The following OCA2 variants were observed in gnomAD, a reference collection of about 807,000 sequenced individuals.
OCA2 encodes OCA2 melanosomal transmembrane protein.
A neutral mutation model predicts 100.2 loss-of-function variants in OCA2; 77 were observed. The observed-to-expected ratio is 0.77, with a 90% confidence interval of 0.64 to 0.93. The LOEUF (loss-of-function observed/expected upper bound fraction) is 0.93. Among genes scored for constraint, OCA2 ranks in the 40% least tolerant of loss-of-function variants. The pLI is 0.00. For synonymous variants in OCA2, 432 were observed against 439.2 expected (o/e 0.98, Z 0.21); for missense variants, 1,062 against 1,089.1 (o/e 0.98, Z 0.35).
chr15:27,992,137 G>A (rs868262169), intron 9 of OCA2, among the ~76,000 whole-genome samples: 3 of 150,076 alleles, frequency 2.0e-5, no homozygotes, highest in African/African-American at 4.9e-5. Context: ...GTCTCACTCC[G>A]TTGCCGAGGC....
chr15:27,928,252 A>G (rs1202239858), intron 18 of OCA2, among the ~76,000 whole-genome samples: 2 of 152,222 alleles, frequency 1.3e-5, no homozygotes, highest in African/African-American at 4.8e-5. Flanking sequence ...AATCAATGAA[A>G]TAGAAAATGG....
chr15:28,053,264 G>A (rs1482764559), intron 2 of OCA2, among the ~76,000 whole-genome samples: 1 of 152,160 alleles, frequency 6.6e-6, no homozygotes, highest in Non-Finnish European at 1.5e-5. Context: ...ACCCACATGG[G>A]TGGGCCATGG....
At chr15:27,916,796 G>C (rs976698130) in intron 19 of OCA2, among the ~76,000 whole-genome samples, 4 of 152,132 alleles carry the variant, frequency 2.6e-5, no homozygotes, top group Admixed American at 2.0e-4. Flanking sequence ...CCAAAAAATA[G>C]AACACACCTG....
chr15:27,877,383 ATT>A (rs142582506), intron 19 of OCA2, among the ~76,000 whole-genome samples: 1 of 150,908 alleles, frequency 6.6e-6, no homozygotes, highest in Non-Finnish European at 1.5e-5. Flanking sequence ...GGCTTTCCTG[ATT>A]TTTTTTTGTC....
At chr15:27,926,462 C>T (rs1157674262) in intron 18 of OCA2, among the ~76,000 whole-genome samples, 3 of 151,874 alleles carry the variant, frequency 2.0e-5, no homozygotes, top group African/African-American at 7.3e-5. Context: ...CCCATTGACC[C>T]ACAAGTTTAT....
At chr15:27,878,893 G>A (rs2036897486) in intron 19 of OCA2, among the ~76,000 whole-genome samples, 1 of 152,050 alleles carries the variant, frequency 6.6e-6, no homozygotes, top group Non-Finnish European at 1.5e-5. Flanking sequence ...TGTGCAGGAA[G>A]TATAGGTTTA....
At chr15:28,084,990 G>A (rs1243449126) in intron 1 of OCA2, among the ~76,000 whole-genome samples, 2 of 152,160 alleles carry the variant, frequency 1.3e-5, no homozygotes, top group Non-Finnish European at 2.9e-5. Context: ...GGTCCTGCCT[G>A]CCTACACTCA....
In OCA2 at chr15:27,964,876, G is replaced by A. The variant is rs114153990; in HGVS notation, c.1636+1814C>T. On this transcript the variant is annotated intron_variant, in intron 15 of 23. Transcript: ENST00000354638. ...GGCCATAGGGTTCCTGCATCACCAG[G>A]TGTGTCCACTTCCAACCATCACTCC... is the stretch of plus-strand genomic sequence containing the variant. Among the ~76,000 whole-genome samples the A allele has an allele frequency of 7.2e-3, 1,103 of 152,240 alleles. 21 individuals are homozygous for A. The highest frequency in any genetic ancestry group is 0.025 in the African/African-American group (1,020 of 41,522).
chr15:27,739,467 A>G, the OCA2 span, among the ~76,000 whole-genome samples: 1 of 125,440 alleles, frequency 8.0e-6, no homozygotes, highest in Non-Finnish European at 1.6e-5. Flanking sequence ...TTTTTTTGAG[A>G]CAGAGTCTCA....
chr15:28,033,149 G>A (rs566548008), intron 2 of OCA2, among the ~76,000 whole-genome samples: 12 of 152,252 alleles, frequency 7.9e-5, no homozygotes, highest in South Asian at 2.1e-4. Context: ...AACCACAACC[G>A]GCATGTATGG....
At chr15:27,798,126 TAGTC>T (rs761075983) in intron 23 of OCA2, among the ~76,000 whole-genome samples, 5 of 152,184 alleles carry the variant, frequency 3.3e-5, no homozygotes, top group Non-Finnish European at 7.3e-5. Context: ...AATTATTTAT[TAGTC>T]AGGTTAAGAA....
rs544730838 is a variant in OCA2, at chr15:28,042,880, C to T, written c.228-10717G>A. The stretch of plus-strand genomic sequence containing the variant: ...TCTGCCAACATAATAAAATTTTATT[C>T]GTTTATACTCCACCAATCCTAGCAG... On this transcript the variant is annotated intron_variant, in intron 2 of 23. Transcript: ENST00000354638. 6.6e-5 allele frequency among the ~76,000 whole-genome samples: 10 copies of T among 152,052 alleles called. 1 individual carries two copies. The highest frequency in any genetic ancestry group is 2.4e-4 in the African/African-American group (10 of 41,500).
At position 28,014,840 on chromosome 15, in the gene OCA2, A is replaced by G. The variant is rs780219028; in HGVS notation, c.980T>C (p.Val327Ala). The stretch of plus-strand genomic sequence containing the variant: ...CGTCGCGATGGTCACCTGGGTTTCT[A>G]CACTTCCGCGGAGGTACTGATGAGC... Reference protein sequence around the residue: ...LMAHQYLRGSVETQVTIATAI... With the variant: ...LMAHQYLRGSAETQVTIATAI... Residue 327 changes from valine (V) to alanine (A), a missense_variant, in exon 9 of 24, where the codon GTA becomes GCA. Physicochemically the swap from Val to Ala is moderately conservative, Grantham distance 64. Coordinates refer to ENST00000354638, the MANE Select transcript of OCA2 (RefSeq NM_000275.3). The G allele has an allele frequency of 6.8e-6, 11 of 1,614,044 alleles. No homozygotes were observed. In the East Asian group the frequency reaches 2.2e-4, roughly 33 times the overall value.
At chr15:28,069,298 G>T (rs868205999) in intron 2 of OCA2, among the ~76,000 whole-genome samples, 26 of 148,972 alleles carry the variant, frequency 1.7e-4, no homozygotes, top group Middle Eastern at 3.5e-3. Flanking sequence ...GTCCAAATGG[G>T]AGTGAAATGA....
At chr15:27,944,530 C>T (rs908397506) in intron 18 of OCA2, among the ~76,000 whole-genome samples, 4 of 152,262 alleles carry the variant, frequency 2.6e-5, no homozygotes, top group East Asian at 1.9e-4. Flanking sequence ...CAGATAACAT[C>T]GCTATTGGAG....
At chr15:27,924,698 A>G (rs2038982857) in intron 19 of OCA2, among the ~76,000 whole-genome samples, 1 of 152,226 alleles carries the variant, frequency 6.6e-6, no homozygotes. Flanking sequence ...AACAAAGAAG[A>G]GAATTAGTAT....
intron 18 of OCA2, among the ~76,000 whole-genome samples, chr15:27,942,320 C>A (rs1303679782): frequency 6.6e-6 from 1 of 150,570 alleles, no homozygotes; most frequent in Non-Finnish European, 1.5e-5. Context: ...TATCATACAG[C>A]CAAATGAAAT....
chr15:27,824,602 C>CTCTCTATATATATATATATATA, intron 23 of OCA2, among the ~76,000 whole-genome samples: 1 of 47,596 alleles, frequency 2.1e-5, no homozygotes, highest in Non-Finnish European at 3.1e-5. Flanking sequence ...CTCTCTCTCT[C>CTCTCTATATATATATATATATA]TATATATATA....
intron 23 of OCA2, among the ~76,000 whole-genome samples, chr15:27,790,211 C>A (rs1179585689): frequency 6.6e-6 from 1 of 152,080 alleles, no homozygotes; most frequent in Non-Finnish European, 1.5e-5. Flanking sequence ...AATGAGATAC[C>A]ACTGCACACA....
Sources: gnomAD v4.1 joint callset for allele counts (sites outside exome capture counted in the v4.1 genomes callset) on GRCh38, gnomAD v4.1.1 for gene constraint, MANE v1.5 for transcripts, NCBI Gene and HGNC (gene_info 2026-07-23, HGNC 2026-07-21) for gene names.